SMCO2: variants seen among roughly 807,000 people sequenced by gnomAD.
SMCO2 encodes the protein single-pass membrane protein with coiled-coil domains 2.
A neutral mutation model predicts 29.5 loss-of-function variants in SMCO2; 25 were observed. The ratio of observed to expected loss-of-function variants is 0.85; its 90% CI spans 0.62 to 1.18. The LOEUF (loss-of-function observed/expected upper bound fraction) is 1.18, where lower values mean the gene tolerates loss of function less well. Ranked by LOEUF, SMCO2 falls within the 50% of genes most tolerant of loss-of-function variation. The probability of loss-of-function intolerance (pLI) is 0.00; values close to 1 mark genes in which losing one functional copy is unlikely to be tolerated. For missense variants in SMCO2, 348 were observed against 344.5 expected (o/e 1.01, Z -0.08); for synonymous variants, 117 against 123.3 (o/e 0.95, Z 0.34).
At chr12:27,445,061 C>A in the SMCO2 span, among the ~76,000 whole-genome samples, 3 of 151,920 alleles carry the variant, frequency 2.0e-5, no homozygotes, top group East Asian at 5.8e-4. Context: ...GAAATGGAGG[C>A]CATTATGCTG....
At chr12:27,477,514 A>G (rs1180280687) in intron 4 of SMCO2, among the ~76,000 whole-genome samples, 1 of 151,120 alleles carries the variant, frequency 6.6e-6, no homozygotes, top group Non-Finnish European at 1.5e-5. Context: ...CTATTATTTC[A>G]TTAAATTTTT....
At chr12:27,424,752 C>T in the SMCO2 span, 1 of 152,170 alleles carries the variant, frequency 6.6e-6, no homozygotes, top group Non-Finnish European at 1.5e-5. Flanking sequence ...GCAGACAGGC[C>T]GACATCTATG....
the SMCO2 span, among the ~76,000 whole-genome samples, chr12:27,433,536 C>CAG: frequency 2.6e-5 from 4 of 151,086 alleles, no homozygotes; most frequent in South Asian, 8.3e-4. Context: ...CACACACACA[C>CAG]ACACACATAT....
the SMCO2 span, among the ~76,000 whole-genome samples, chr12:27,449,869 T>A: frequency 2.0e-5 from 3 of 152,208 alleles, no homozygotes; most frequent in Non-Finnish European, 4.4e-5. Context: ...TGGGCTTTAA[T>A]GCCTGGCTAC....
At chr12:27,424,856 C>G in the SMCO2 span, 4 of 152,056 alleles carry the variant, frequency 2.6e-5, no homozygotes, top group African/African-American at 4.8e-5. Context: ...CTTTTTTTTC[C>G]AAGCTCCATG....
chr12:27,459,211 C>G, the SMCO2 span, among the ~76,000 whole-genome samples: 1 of 146,488 alleles, frequency 6.8e-6, no homozygotes, highest in African/African-American at 2.5e-5. Flanking sequence ...AAAAAAAATC[C>G]TGATTTGAAT....
the SMCO2 span, among the ~76,000 whole-genome samples, chr12:27,458,129 A>T: frequency 6.6e-6 from 1 of 152,204 alleles, no homozygotes; most frequent in Non-Finnish European, 1.5e-5. Context: ...TTACAAATTT[A>T]AAAACCTAGT....
chr12:27,486,214 T>C (rs890845487), intron 4 of SMCO2, among the ~76,000 whole-genome samples: 1 of 152,208 alleles, frequency 6.6e-6, no homozygotes, highest in East Asian at 1.9e-4. Context: ...CTTTCTCAAG[T>C]GGGAAGATCT....
chr12:27,479,137 A>G (rs1209311853), intron 4 of SMCO2, among the ~76,000 whole-genome samples: 1 of 151,674 alleles, frequency 6.6e-6, no homozygotes, highest in East Asian at 1.9e-4. Flanking sequence ...CAGCAATAGA[A>G]TACCAGCAGT....
At chr12:27,494,745 G>A (rs1197721141) in intron 6 of SMCO2, among the ~76,000 whole-genome samples, 1 of 151,972 alleles carries the variant, frequency 6.6e-6, no homozygotes, top group African/African-American at 2.4e-5. Flanking sequence ...TTATGAGTGT[G>A]AACATGCAGT....
In SMCO2 at chr12:27,499,667, A is replaced by G. The variant is rs1217130648; in HGVS notation, c.684-2256A>G. 3.3e-5 allele frequency among the ~76,000 whole-genome samples: 5 copies of G among 150,838 alleles called. 1 individual carries two copies. The highest frequency in any genetic ancestry group is 5.9e-5 in the Non-Finnish European group (4 of 67,906). On this transcript the variant is annotated intron_variant, in intron 7 of 7. Coordinates refer to ENST00000298876, the Ensembl canonical transcript of SMCO2. ...TTCACGTATCGCTTTATTGTGTTAT[A>G]TCGGAGGATTATAATCAGGCTGAGT...
chr12:27,483,268 C>T (rs1206049985), intron 4 of SMCO2, among the ~76,000 whole-genome samples: 1 of 152,088 alleles, frequency 6.6e-6, no homozygotes, highest in Non-Finnish European at 1.5e-5. Context: ...CCAACTGTAA[C>T]TGTAGATATG....
the SMCO2 span, among the ~76,000 whole-genome samples, chr12:27,429,785 G>A: frequency 1.1e-3 from 163 of 152,254 alleles, no homozygotes; most frequent in South Asian, 4.1e-3. Context: ...ATTTCTTGGA[G>A]TGCAATTGCC....
the SMCO2 span, chr12:27,423,834 A>G: frequency 6.6e-6 from 1 of 152,152 alleles, no homozygotes; most frequent in East Asian, 1.9e-4. Context: ...CTGGGATTCT[A>G]ATCCACAGGA....
At chr12:27,502,003 C>G in exon 8 of SMCO2, 1 of 1,548,012 alleles carries the variant, frequency 6.5e-7, no homozygotes, top group Non-Finnish European at 8.7e-7. Context: ...TTTTTTGGTG[C>G]TACATTTCTC....
intron 4 of SMCO2, among the ~76,000 whole-genome samples, chr12:27,487,481 C>T (rs2135566094): frequency 6.6e-6 from 1 of 152,244 alleles, no homozygotes; most frequent in East Asian, 1.9e-4. Context: ...CACTAAAGGA[C>T]AAATGTGTAA....
intron 4 of SMCO2, among the ~76,000 whole-genome samples, chr12:27,482,865 T>C (rs1949657231): frequency 6.6e-6 from 1 of 152,214 alleles, no homozygotes; most frequent in Admixed American, 6.5e-5. Context: ...TAGTTGGGAC[T>C]GCAGGTGCAC....
chr12:27,480,485 C>G (rs900865884), intron 4 of SMCO2, among the ~76,000 whole-genome samples: 2 of 152,080 alleles, frequency 1.3e-5, no homozygotes, highest in African/African-American at 2.4e-5. Flanking sequence ...CAAGTCAACC[C>G]CTTGTCAACT....
At chr12:27,472,937 C>A (rs1202362314) in intron 3 of SMCO2, 62 bp downstream of exon 3, 13 of 1,174,456 alleles carry the variant, frequency 1.1e-5, no homozygotes, top group African/African-American at 1.5e-5. Context: ...AAGAGAAGAA[C>A]TTCACGCCGC....
Sources: allele counts gnomAD v4.1 joint callset (sites outside exome capture counted in the v4.1 genomes callset), GRCh38; gene constraint gnomAD v4.1.1; transcripts MANE v1.5; gene names NCBI Gene and HGNC (gene_info 2026-07-23, HGNC 2026-07-21).